The following FHOD3 variants were observed in gnomAD, a reference collection of about 807,000 sequenced individuals.
FHOD3 encodes FH1/FH2 domain-containing protein 3.
Under a neutral mutation model 173.0 loss-of-function variants are expected in FHOD3, and 90 were observed. The ratio of observed to expected loss-of-function variants is 0.52; its 90% CI spans 0.44 to 0.62. The LOEUF is 0.62. FHOD3 is among the 20% of genes least tolerant of loss of function. The pLI is 0.00. For synonymous variants in FHOD3, 828 were observed against 823.0 expected (o/e 1.01, Z -0.10); for missense variants, 1,945 against 2,034.7 (o/e 0.96, Z 0.85).
chr18:36,451,181 T>C (rs1172380397), intron 3 of FHOD3, among the ~76,000 whole-genome samples: 1 of 152,254 alleles, frequency 6.6e-6, no homozygotes, highest in Non-Finnish European at 1.5e-5. Flanking sequence ...TAAATACTGA[T>C]GACCTTGTTA....
chr18:36,647,882 G>A (rs989285066), intron 10 of FHOD3, among the ~76,000 whole-genome samples: 5 of 152,238 alleles, frequency 3.3e-5, no homozygotes, highest in African/African-American at 1.2e-4. Flanking sequence ...TTGATGTGGG[G>A]TGGGAGAGGG....
intron 5 of FHOD3, among the ~76,000 whole-genome samples, chr18:36,541,096 C>T (rs1332958819): frequency 6.6e-6 from 1 of 150,822 alleles, no homozygotes; most frequent in Non-Finnish European, 1.5e-5. Flanking sequence ...ACTAAATATA[C>T]AAAAATTAGC....
In FHOD3 at chr18:36,730,706, G is replaced by T. The variant is rs746707013; in HGVS notation, c.3478G>T (p.Ala1160Ser). The T allele has an allele frequency of 1.2e-6, 2 of 1,613,966 alleles. No homozygotes were observed. The highest frequency in any genetic ancestry group is 1.3e-5 in the African/African-American group (1 of 74,906). ...IIVLDSKRSN[A>S]INIGLTVLPP... ...TGTTCTGGATTCCAAGAGGAGTAAC[G>T]CCATCAATATTGGTCTGACGGTGCT... is the stretch of plus-strand genomic sequence containing the variant. The change falls in exon 20 of 29, where the codon GCC becomes TCC. Residue 1160 changes from alanine to serine, a missense_variant. This residue lies in a region of FHOD3 where 231 missense variants were observed against 321.9 expected (regional missense o/e 0.72). Coordinates refer to ENST00000590592, the MANE Select transcript of FHOD3 (RefSeq NM_001281740.3).
rs2057155255 is a variant in FHOD3 at position 36,540,274 on chromosome 18, C to CA, written c.511+27734dup. On this transcript the variant is annotated intron_variant, in intron 5 of 28. Transcript: ENST00000590592. ...TATATTTGTCAGCACACAGAGCAGCCAAATGTAATTCCTTCAACATTTCTT... is the reference window on the plus strand; with the variant it reads ...TATATTTGTCAGCACACAGAGCAGCCAAAATGTAATTCCTTCAACATTTCTT... Among the ~76,000 whole-genome samples the CA allele has an allele frequency of 6.6e-5, 10 of 152,168 alleles. No homozygotes were observed. In the South Asian group the frequency reaches 2.1e-3, roughly 32 times the overall value.
intron 5 of FHOD3, among the ~76,000 whole-genome samples, chr18:36,518,045 A>G (rs1017595125): frequency 8.5e-5 from 13 of 152,226 alleles, no homozygotes; most frequent in African/African-American, 2.9e-4. Context: ...AAAATGATCA[A>G]GTGGTAATTA....
intron 3 of FHOD3, among the ~76,000 whole-genome samples, chr18:36,408,301 C>T (rs769578037): frequency 1.3e-5 from 2 of 152,286 alleles, no homozygotes; most frequent in Middle Eastern, 6.8e-3. Flanking sequence ...GAGGGGTGTC[C>T]ATCAACCTGG....
At chr18:36,469,818 G>C (rs1230036258) in intron 3 of FHOD3, among the ~76,000 whole-genome samples, 2 of 152,132 alleles carry the variant, frequency 1.3e-5, no homozygotes, top group African/African-American at 2.4e-5. Context: ...GAGGGTTAAG[G>C]GGGTGGCGGC....
At chr18:36,748,360 ACG>A (rs995010227) in intron 24 of FHOD3, among the ~76,000 whole-genome samples, 1 of 141,046 alleles carries the variant, frequency 7.1e-6, no homozygotes, top group Non-Finnish European at 1.5e-5. Flanking sequence ...AAATACACGC[ACG>A]CGCACACACA....
chr18:36,409,979 G>A (rs533481508), intron 3 of FHOD3, among the ~76,000 whole-genome samples: 1 of 152,236 alleles, frequency 6.6e-6, no homozygotes, highest in Non-Finnish European at 1.5e-5. Flanking sequence ...TCATGATGCT[G>A]TGAACCTCCC....
chr18:36,639,484 C>G (rs957269703), intron 10 of FHOD3, among the ~76,000 whole-genome samples: 5 of 152,044 alleles, frequency 3.3e-5, no homozygotes, highest in Non-Finnish European at 7.4e-5. Context: ...CATGGTGAAA[C>G]CCCGTCTCTA....
chr18:36,326,331 A>G, intron 1 of FHOD3, among the ~76,000 whole-genome samples: 1 of 152,230 alleles, frequency 6.6e-6, no homozygotes, highest in East Asian at 1.9e-4. Context: ...ACTCTTAAAA[A>G]CATTGTCCTA....
chr18:36,367,705 A>G (rs1408904727), intron 2 of FHOD3, among the ~76,000 whole-genome samples: 1 of 152,158 alleles, frequency 6.6e-6, no homozygotes, highest in African/African-American at 2.4e-5. Flanking sequence ...ACACAGAACC[A>G]AGAGAATATC....
chr18:36,664,693 A>G (rs954429449), intron 14 of FHOD3, among the ~76,000 whole-genome samples: 1 of 151,344 alleles, frequency 6.6e-6, no homozygotes, highest in South Asian at 2.1e-4. Context: ...CATCTTTGCC[A>G]TGGTTTCCAG....
chr18:36,575,091 T>C (rs76988203), intron 5 of FHOD3, among the ~76,000 whole-genome samples: 6,403 of 152,052 alleles, frequency 0.042, 340 homozygotes, highest in East Asian at 0.15. Flanking sequence ...CTGCCTCAGC[T>C]TCCTGAGTAT....
intron 1 of FHOD3, among the ~76,000 whole-genome samples, chr18:36,299,062 A>AT (rs66660227): frequency 0.34 from 51,465 of 151,928 alleles, 9,409 homozygotes; most frequent in East Asian, 0.56. Context: ...TTAAAAAAAA[A>AT]CCTCGGATTT....
At chr18:36,311,565 G>A (rs1168164245) in intron 1 of FHOD3, among the ~76,000 whole-genome samples, 1 of 152,134 alleles carries the variant, frequency 6.6e-6, no homozygotes, top group Non-Finnish European at 1.5e-5. Flanking sequence ...GAGCATGCGT[G>A]GCCTCCAGCC....
intron 19 of FHOD3, among the ~76,000 whole-genome samples, chr18:36,724,784 G>A (rs78866805): frequency 0.015 from 2,238 of 152,270 alleles, 51 homozygotes; most frequent in African/African-American, 0.049. Context: ...GCTTTTCTCC[G>A]GAGACTGTCT....
At chr18:36,750,995 A>AT (rs1279793076) in intron 24 of FHOD3, among the ~76,000 whole-genome samples, 2 of 152,092 alleles carry the variant, frequency 1.3e-5, no homozygotes, top group South Asian at 2.1e-4. Flanking sequence ...TTTTAAAACA[A>AT]TTTTTTTCTA....
intron 3 of FHOD3, among the ~76,000 whole-genome samples, chr18:36,386,890 G>T (rs1225264055): frequency 1.3e-5 from 2 of 152,130 alleles, no homozygotes; most frequent in African/African-American, 4.8e-5. Context: ...CCCATTCATG[G>T]GCCAGGCAAG....
Sources: allele counts gnomAD v4.1 joint callset (sites outside exome capture counted in the v4.1 genomes callset), GRCh38; gene constraint gnomAD v4.1.1; regional missense constraint gnomAD v4.1.1; transcripts MANE v1.5; gene names NCBI Gene and HGNC (gene_info 2026-07-23, HGNC 2026-07-21).